Variants in ELAVL2 observed in about 807,000 individuals in gnomAD.
The protein encoded by ELAVL2 is ELAV like RNA binding protein 2.
Under a neutral mutation model 34.6 loss-of-function variants are expected in ELAVL2, and 4 were observed. That is an observed-to-expected ratio of 0.12 (90% CI 0.06 to 0.26). The LOEUF is 0.26. ELAVL2 is among the 10% of genes least tolerant of loss of function. ELAVL2 has a pLI of 1.00. For missense variants in ELAVL2, 432 were observed against 442.8 expected, an observed-to-expected ratio of 0.98 and a Z score of 0.22; for synonymous variants, 193 against 154.8, an observed-to-expected ratio of 1.25 and a Z score of -1.83.
At chr9:23,708,934 G>A (rs1453381780) in intron 3 of ELAVL2, among the ~76,000 whole-genome samples, 4 of 152,154 alleles carry the variant, frequency 2.6e-5, no homozygotes, top group Non-Finnish European at 5.9e-5. Context: ...CACCACGCCC[G>A]GCTCCATTAA....
At chr9:23,707,531 T>C (rs1427893302) in intron 3 of ELAVL2, among the ~76,000 whole-genome samples, 1 of 152,112 alleles carries the variant, frequency 6.6e-6, no homozygotes, top group Non-Finnish European at 1.5e-5. Context: ...TAACTTCCAA[T>C]GACTGATCAA....
chr9:23,829,686 C>T (rs7855168), upstream of ELAVL2: 45,800 of 151,988 alleles, frequency 0.3, 7,564 homozygotes, highest in Middle Eastern at 0.41. Flanking sequence ...GTGGACTTGC[C>T]TTTCACCGAA....
the ELAVL2 span, among the ~76,000 whole-genome samples, chr9:23,850,331 C>G: frequency 1.4e-4 from 21 of 150,754 alleles, no homozygotes; most frequent in African/African-American, 4.6e-4. Flanking sequence ...TCTAAGTTCA[C>G]TAGCCCTGCC....
chr9:23,711,891 G>A (rs1009869708), intron 3 of ELAVL2, among the ~76,000 whole-genome samples: 1 of 152,120 alleles, frequency 6.6e-6, no homozygotes, highest in African/African-American at 2.4e-5. Context: ...CTGAAATACT[G>A]TTTAAAAGCT....
chr9:23,751,350 A>AC (rs2051971854), intron 2 of ELAVL2, among the ~76,000 whole-genome samples: 1 of 152,308 alleles, frequency 6.6e-6, no homozygotes, highest in East Asian at 1.9e-4. Context: ...AGTTAACCAT[A>AC]CCCTCATGGA....
rs2041462776 is a variant in ELAVL2, at chr9:23,713,243, T to C, written c.334-8172A>G. 3.3e-5 allele frequency among the ~76,000 whole-genome samples: 5 copies of C among 152,202 alleles called. No individual in the cohort carries two copies. In the South Asian group the frequency reaches 1.0e-3, roughly 31 times the overall value. On this transcript the variant is annotated intron_variant, in intron 3 of 6. Transcript: ENST00000397312. ...ATACATGGTAAAGATATTCTTGAAA[T>C]GCAACTTAGGCCATAAATACCTTAC...
At chr9:23,731,185 C>T (rs2046439741) in intron 2 of ELAVL2, 60 bp from the exon 3 acceptor site, 1 of 1,475,974 alleles carries the variant, frequency 6.8e-7, no homozygotes. Context: ...CAGAGATCAA[C>T]TTTCATTTTG....
intron 2 of ELAVL2, among the ~76,000 whole-genome samples, chr9:23,746,822 A>G (rs1386265868): frequency 7.0e-6 from 1 of 142,876 alleles, no homozygotes; most frequent in African/African-American, 2.7e-5. Flanking sequence ...CTGAAAAAGA[A>G]AAAAAAAAAA....
intron 1 of ELAVL2, among the ~76,000 whole-genome samples, chr9:23,813,659 GA>G (rs1197208493): frequency 8.5e-5 from 13 of 152,142 alleles, no homozygotes; most frequent in Non-Finnish European, 1.8e-4. Flanking sequence ...GGGGAGGAGA[GA>G]AAAGGTAAGT....
At chr9:23,798,666 T>G (rs1413880527) in intron 1 of ELAVL2, among the ~76,000 whole-genome samples, 3 of 152,104 alleles carry the variant, frequency 2.0e-5, no homozygotes, top group East Asian at 3.9e-4. Context: ...GGGGTGTGTG[T>G]GGGAAGGGAG....
At chr9:23,834,186 A>G in the ELAVL2 span, among the ~76,000 whole-genome samples, 1 of 152,050 alleles carries the variant, frequency 6.6e-6, no homozygotes, top group Admixed American at 6.6e-5. Context: ...ATGTTGCATA[A>G]TACATATTCA....
At chr9:23,805,899 TA>T (rs2137855781) in intron 1 of ELAVL2, among the ~76,000 whole-genome samples, 1 of 152,210 alleles carries the variant, frequency 6.6e-6, no homozygotes, top group African/African-American at 2.4e-5. Flanking sequence ...TAACAGGTCA[TA>T]AATACATGTA....
chr9:23,747,806 C>T lies in ELAVL2; in HGVS notation c.229+14200G>A, dbSNP rs193208781. On this transcript the variant is annotated intron_variant, in intron 2 of 6. Transcript: ENST00000397312. ...TTGCTTTTCAGTTGTCAATAGCCAA[C>T]GTCTGAAAATAAATCCAGTCACTAA... is the stretch of plus-strand genomic sequence containing the variant. 1.8e-3 allele frequency among the ~76,000 whole-genome samples: 273 copies of T among 152,248 alleles called. 1 individual carries two copies. The highest frequency in any genetic ancestry group is 1.9e-3 in the Non-Finnish European group (127 of 68,016).
chr9:23,754,692 ACCT>A (rs1315817856), intron 2 of ELAVL2, among the ~76,000 whole-genome samples: 1 of 151,972 alleles, frequency 6.6e-6, no homozygotes, highest in Non-Finnish European at 1.5e-5. Context: ...TGAATTCCTG[ACCT>A]CCGGTGATTC....
intron 1 of ELAVL2, among the ~76,000 whole-genome samples, chr9:23,792,670 T>C (rs1051497107): frequency 6.6e-6 from 1 of 152,194 alleles, no homozygotes; most frequent in African/African-American, 2.4e-5. Context: ...TCCCTAATGT[T>C]TTCTCCCAAC....
At chr9:23,804,396 T>C (rs2061955624) in intron 1 of ELAVL2, among the ~76,000 whole-genome samples, 1 of 152,158 alleles carries the variant, frequency 6.6e-6, no homozygotes, top group Non-Finnish European at 1.5e-5. Context: ...TGAGGAAAAG[T>C]AAATACTTAA....
intron 1 of ELAVL2, among the ~76,000 whole-genome samples, chr9:23,813,926 G>A (rs2063364903): frequency 6.6e-6 from 1 of 152,086 alleles, no homozygotes. Context: ...TAGCATTAGA[G>A]ACACCAAGGC....
At chr9:23,837,029 A>G in the ELAVL2 span, among the ~76,000 whole-genome samples, 3 of 152,304 alleles carry the variant, frequency 2.0e-5, no homozygotes, top group South Asian at 4.1e-4. Context: ...GGGTCAGACT[A>G]TAATATATAT....
intron 1 of ELAVL2, among the ~76,000 whole-genome samples, chr9:23,822,614 C>G (rs2138632978): frequency 6.6e-6 from 1 of 152,330 alleles, no homozygotes; most frequent in South Asian, 2.1e-4. Flanking sequence ...TCAAAACCCA[C>G]CCCGGAGCCA....
Sources: allele counts gnomAD v4.1 joint callset (sites outside exome capture counted in the v4.1 genomes callset), GRCh38; gene constraint gnomAD v4.1.1; transcripts MANE v1.5; gene names NCBI Gene and HGNC (gene_info 2026-07-23, HGNC 2026-07-21).